KDM4C: variants seen among roughly 807,000 people sequenced by gnomAD.
KDM4C encodes lysine demethylase 4C, also known as lysine-specific demethylase 4C.
In KDM4C, 81 loss-of-function variants were observed where a neutral mutation model predicts 129.3. The ratio of observed to expected loss-of-function variants is 0.63; its 90% CI spans 0.52 to 0.75. KDM4C has a LOEUF of 0.75. Among genes scored for constraint, KDM4C ranks in the 30% least tolerant of loss-of-function variants. KDM4C has a pLI of 0.00. For missense variants in KDM4C, 1,457 were observed against 1,304.0 expected, an observed-to-expected ratio of 1.12 and a Z score of -1.81; for synonymous variants, 573 against 456.1, an observed-to-expected ratio of 1.26 and a Z score of -3.26.
intron 2 of KDM4C, among the ~76,000 whole-genome samples, chr9:6,798,697 T>C (rs1416978270): frequency 2.0e-5 from 3 of 151,260 alleles, no homozygotes; most frequent in Admixed American, 1.3e-4. Flanking sequence ...CCTTTCCCCC[T>C]TTTCTATTCC....
At chr9:6,806,805 C>G (rs1830054927) in intron 3 of KDM4C, among the ~76,000 whole-genome samples, 1 of 152,080 alleles carries the variant, frequency 6.6e-6, no homozygotes, top group East Asian at 1.9e-4. Context: ...AGAGAGATCG[C>G]AAGAAGGAAG....
chr9:7,170,241 T>C, intron 21 of KDM4C: 1 of 1,169,472 alleles, frequency 8.6e-7, no homozygotes, highest in Non-Finnish European at 1.1e-6. Flanking sequence ...AGAAGCAACA[T>C]TAAAAGTATT....
At chr9:6,888,328 G>A (rs1374470971) in intron 7 of KDM4C, among the ~76,000 whole-genome samples, 1 of 152,004 alleles carries the variant, frequency 6.6e-6, no homozygotes, top group Non-Finnish European at 1.5e-5. Context: ...AAAATAAGAG[G>A]AAGCACTTCT....
intron 1 of KDM4C, among the ~76,000 whole-genome samples, chr9:6,783,409 T>A (rs1287813863): frequency 6.6e-6 from 1 of 152,204 alleles, no homozygotes; most frequent in Admixed American, 6.5e-5. Flanking sequence ...CTATACAGCT[T>A]TATACTCATC....
chr9:6,789,490 G>C (rs1826123478), intron 1 of KDM4C, among the ~76,000 whole-genome samples: 2 of 152,106 alleles, frequency 1.3e-5, no homozygotes, highest in African/African-American at 4.8e-5. Context: ...AAAGTGTTGG[G>C]ATTACAGGCG....
At chr9:7,052,908 A>AGCGAGAGATTGTTGTACAGTGGG (rs1564049935) in intron 17 of KDM4C, among the ~76,000 whole-genome samples, 4 of 33,438 alleles carry the variant, frequency 1.2e-4, no homozygotes, top group Non-Finnish European at 1.5e-4. Context: ...AGAGCGAGCG[A>AGCGAGAGATTGTTGTACAGTGGG]GTGCCCAAGG....
intron 19 of KDM4C, among the ~76,000 whole-genome samples, chr9:7,130,786 C>T (rs932480408): frequency 6.6e-6 from 1 of 151,826 alleles, no homozygotes; most frequent in African/African-American, 2.4e-5. Flanking sequence ...TGAGACAGGG[C>T]CTCATTTTGT....
chr9:6,748,537 T>G (rs964592072), intron 1 of KDM4C, among the ~76,000 whole-genome samples: 22 of 151,834 alleles, frequency 1.4e-4, no homozygotes, highest in African/African-American at 5.1e-4. Flanking sequence ...TTTATTATTA[T>G]TATTAGTATT....
chr9:7,030,413 A>T (rs945364964), intron 15 of KDM4C, among the ~76,000 whole-genome samples: 1 of 152,182 alleles, frequency 6.6e-6, no homozygotes, highest in Non-Finnish European at 1.5e-5. Flanking sequence ...CTTTTGTCCA[A>T]CCCATAGAAT....
intron 1 of KDM4C, among the ~76,000 whole-genome samples, chr9:6,736,999 C>G (rs1033435940): frequency 7.8e-6 from 1 of 128,008 alleles, no homozygotes; most frequent in Non-Finnish European, 1.6e-5. Context: ...TGCAGTGAGC[C>G]AAGATCACAC....
intron 8 of KDM4C, among the ~76,000 whole-genome samples, chr9:6,970,806 A>T (rs818898): frequency 1.5e-4 from 18 of 121,190 alleles, no homozygotes; most frequent in East Asian, 2.4e-4. Context: ...CCCCGCCCCT[A>T]ACCCCCACCC....
At chr9:6,789,141 C>G (rs989013200) in intron 1 of KDM4C, among the ~76,000 whole-genome samples, 16 of 151,510 alleles carry the variant, frequency 1.1e-4, no homozygotes, top group African/African-American at 3.9e-4. Flanking sequence ...CCTCTGCCCC[C>G]CGGGGTGGTA....
chr9:6,817,935 T>G (rs1260912743), intron 4 of KDM4C, among the ~76,000 whole-genome samples: 4 of 151,896 alleles, frequency 2.6e-5, no homozygotes, highest in African/African-American at 9.7e-5. Flanking sequence ...CCCAGCGAAT[T>G]TTTGTATTTT....
chr9:7,092,098 A>G (rs957368779), intron 17 of KDM4C, among the ~76,000 whole-genome samples: 1 of 152,196 alleles, frequency 6.6e-6, no homozygotes, highest in African/African-American at 2.4e-5. Context: ...CTGATGTATT[A>G]TTACATTCTG....
chr9:6,760,807 C>G (rs910899673), intron 1 of KDM4C, among the ~76,000 whole-genome samples: 7 of 151,496 alleles, frequency 4.6e-5, no homozygotes, highest in African/African-American at 7.3e-5. Context: ...CTCCTGACCT[C>G]GTGATCTGCC....
At chr9:6,743,068 CA>C (rs1588054463) in intron 1 of KDM4C, among the ~76,000 whole-genome samples, 1 of 152,118 alleles carries the variant, frequency 6.6e-6, no homozygotes, top group African/African-American at 2.4e-5. Context: ...AATCAGCAAA[CA>C]TAAGTGTGGC....
At chr9:7,120,516 C>T (rs1839378326) in intron 18 of KDM4C, among the ~76,000 whole-genome samples, 1 of 152,056 alleles carries the variant, frequency 6.6e-6, no homozygotes, top group Non-Finnish European at 1.5e-5. Context: ...ATGGGAAGGA[C>T]AGGAATAGTA....
chr9:6,756,741 A>G (rs1376351239), upstream of KDM4C, among the ~76,000 whole-genome samples: 1 of 152,232 alleles, frequency 6.6e-6, no homozygotes, highest in Non-Finnish European at 1.5e-5. Flanking sequence ...CTGTGTGTGT[A>G]GCGGAACTTT....
chr9:7,052,909 G>GCGAGCGA (rs767668455), intron 17 of KDM4C, among the ~76,000 whole-genome samples: 1 of 100,150 alleles, frequency 1.0e-5, no homozygotes, highest in Non-Finnish European at 1.9e-5. Context: ...GAGCGAGCGA[G>GCGAGCGA]TGCCCAAGGG....
Sources: allele counts gnomAD v4.1 joint callset (sites outside exome capture counted in the v4.1 genomes callset), GRCh38; gene constraint gnomAD v4.1.1; transcripts MANE v1.5; gene names NCBI Gene and HGNC (gene_info 2026-07-23, HGNC 2026-07-21).